The following PRKAG2 variants were observed in gnomAD, a reference collection of about 807,000 sequenced individuals.
PRKAG2 encodes 5'-AMP-activated protein kinase subunit gamma-2.
PRKAG2 carries 26 observed loss-of-function variants against 69.6 expected under a neutral mutation model. That is an observed-to-expected ratio of 0.37 (90% CI 0.27 to 0.52). PRKAG2 has a LOEUF of 0.52. PRKAG2 is among the 20% of genes least tolerant of loss of function. The pLI, the probability that PRKAG2 is intolerant of heterozygous loss-of-function variation, is 0.90. For missense variants in PRKAG2, 557 were observed against 740.0 expected, an observed-to-expected ratio of 0.75 and a Z score of 2.87; for synonymous variants, 293 against 285.0, an observed-to-expected ratio of 1.03 and a Z score of -0.28.
chr7:151,617,530 C>T (rs910743927), intron 5 of PRKAG2, among the ~76,000 whole-genome samples: 2 of 151,998 alleles, frequency 1.3e-5, no homozygotes, highest in African/African-American at 4.8e-5. Context: ...AATTTTGAAA[C>T]AAAAAATATC....
chr7:151,624,821 A>G (rs143556518), intron 5 of PRKAG2, among the ~76,000 whole-genome samples: 2 of 152,314 alleles, frequency 1.3e-5, no homozygotes, highest in African/African-American at 4.8e-5. Context: ...TGATTAGCGC[A>G]CCATCAACAT....
chr7:151,699,629 G>C lies in PRKAG2; in HGVS notation c.467-23992C>G, dbSNP rs1837324600. ...GCACCGGCTGTACAGGGAAGAACTG[G>C]AAGTGGGATATGCAGTGCCTGGGCT... On this transcript the variant is annotated intron_variant, in intron 3 of 15. Coordinates refer to ENST00000287878, the MANE Select transcript of PRKAG2 (RefSeq NM_016203.4). This position sits in a 1 kb window ranked among gnomAD's most constrained non-coding sequence, Gnocchi z 4.5. 1.3e-5 allele frequency among the ~76,000 whole-genome samples: 2 copies of C among 152,202 alleles called. No homozygotes were observed. Among genetic ancestry groups the C allele is most frequent in the Admixed American group, 1.3e-4 (2 of 15,288 alleles).
chr7:151,826,055 A>G (rs867538747), intron 1 of PRKAG2, among the ~76,000 whole-genome samples: 1 of 152,082 alleles, frequency 6.6e-6, no homozygotes, highest in South Asian at 2.1e-4. Context: ...TGTCACCCTA[A>G]CAGGTAGAGT....
In PRKAG2 at chr7:151,690,368, G is replaced by T. The variant is rs141515716; in HGVS notation, c.467-14731C>A. Among the ~76,000 whole-genome samples the T allele has an allele frequency of 7.8e-4, 119 of 152,196 alleles. 1 individual carries two copies. The highest frequency in any genetic ancestry group is 2.8e-3 in the African/African-American group (116 of 41,532). On this transcript the variant is annotated intron_variant, in intron 3 of 15. Transcript: ENST00000287878. ...GATCTGAGGCTCTGGAAAGCCCCCT[G>T]CCCCCTTCCAGATACCTCATCTACT...
chr7:151,624,147 T>C (rs1404468490), intron 5 of PRKAG2, among the ~76,000 whole-genome samples: 1 of 147,630 alleles, frequency 6.8e-6, no homozygotes, highest in African/African-American at 2.5e-5. Context: ...CGTGTGTGTG[T>C]GTGTGTGTGT....
chr7:151,763,016 G>A (rs564070654), intron 3 of PRKAG2, among the ~76,000 whole-genome samples: 8 of 152,306 alleles, frequency 5.3e-5, no homozygotes, highest in South Asian at 4.2e-4. Flanking sequence ...CTCCCGAGTC[G>A]TGACAGCTCT....
chr7:151,729,619 C>T (rs532104047), intron 3 of PRKAG2, among the ~76,000 whole-genome samples: 5 of 152,278 alleles, frequency 3.3e-5, no homozygotes, highest in South Asian at 2.1e-4. Flanking sequence ...AGCCCTCCCA[C>T]GGTCCACAAG....
chr7:151,870,787 C>G (rs2080202971), intron 1 of PRKAG2, among the ~76,000 whole-genome samples: 1 of 152,254 alleles, frequency 6.6e-6, no homozygotes, highest in African/African-American at 2.4e-5. Context: ...CGCGGGGCTT[C>G]CCTTGAGGCC....
At chr7:151,790,058 C>T (rs1017366737) in intron 1 of PRKAG2, among the ~76,000 whole-genome samples, 1 of 152,128 alleles carries the variant, frequency 6.6e-6, no homozygotes, top group Non-Finnish European at 1.5e-5. Flanking sequence ...TCATGGCTAC[C>T]ATCCACCCCT....
intron 3 of PRKAG2, among the ~76,000 whole-genome samples, chr7:151,678,205 T>TTTG (rs1833260379): frequency 6.6e-6 from 1 of 152,186 alleles, no homozygotes; most frequent in East Asian, 1.9e-4. Flanking sequence ...AATGACAAAC[T>TTTG]GTTTAACGTT....
chr7:151,627,912 C>T (rs1823399302), intron 5 of PRKAG2, among the ~76,000 whole-genome samples: 4 of 152,284 alleles, frequency 2.6e-5, no homozygotes, highest in African/African-American at 9.6e-5. Context: ...AATCTTCCTG[C>T]CTCTGCCTCC....
intron 15 of PRKAG2, 188 bp downstream of exon 15, chr7:151,560,336 C>T: frequency 6.6e-7 from 1 of 1,509,518 alleles, no homozygotes; most frequent in South Asian, 1.2e-5. Context: ...GTTCTATACA[C>T]TTTCCTCACT....
At chr7:151,620,572 G>A (rs560829338) in intron 5 of PRKAG2, among the ~76,000 whole-genome samples, 2 of 152,118 alleles carry the variant, frequency 1.3e-5, no homozygotes, top group South Asian at 4.1e-4. Context: ...CAAATGGCCA[G>A]GCTCAAGCAA....
rs750594581 is a variant in PRKAG2 at position 151,807,564 on chromosome 7, C to G, written c.115-21023G>C. 2.2e-6 allele frequency: 1 copy of G among 457,842 alleles called. No individual in the cohort carries two copies. 28.4% of individuals were successfully genotyped at this position (457,842 alleles called of 1,614,324 possible). On this transcript the variant is annotated intron_variant, in intron 1 of 15. Transcript: ENST00000287878. The surrounding 1 kb of genome is among the most constrained non-coding windows in gnomAD (Gnocchi z 4.4). ...CAGCACTGCGCCTTCCAGAACCCAG[C>G]GTAGATGCACAGCTGCCACGGAGGT...
At chr7:151,844,086 A>G (rs535245483) in intron 1 of PRKAG2, among the ~76,000 whole-genome samples, 2 of 152,358 alleles carry the variant, frequency 1.3e-5, no homozygotes, top group Admixed American at 6.5e-5. Flanking sequence ...GGCATGAGTC[A>G]GTTTCCTCCC....
intron 1 of PRKAG2, among the ~76,000 whole-genome samples, chr7:151,844,409 C>T (rs1350229014): frequency 6.6e-6 from 1 of 152,142 alleles, no homozygotes; most frequent in African/African-American, 2.4e-5. Context: ...GGACCCATCA[C>T]ATGAAGGGGC....
chr7:151,821,053 G>GTAGAAGAGAGAGCCTCCAACCCCACAGA (rs1216334379), intron 1 of PRKAG2, among the ~76,000 whole-genome samples: 8 of 151,924 alleles, frequency 5.3e-5, no homozygotes, highest in Non-Finnish European at 7.4e-5. Context: ...CAGAAGGAAA[G>GTAGAAGAGAGAGCCTCCAACCCCACAGA]CTGTGGAGAC....
Position 151,595,374 on chromosome 7 carries a change from T to C in PRKAG2, c.835A>G (p.Lys279Glu). ...AATGTAGTATCAAAGACAACAAGCT[T>C]TGAACTGGTTGGAACGATGTCATAA... is the stretch of plus-strand genomic sequence containing the variant. ...KCYDIVPTSS[K>E]LVVFDTTLQV... The change falls in exon 6 of 16, where the codon AAG becomes GAG. Residue 279 changes from lysine (K) to glutamate (E), a missense_variant. Coordinates refer to ENST00000287878, the MANE Select transcript of PRKAG2 (RefSeq NM_016203.4). 1 of 1,613,770 alleles carries C rather than the reference T, an allele frequency of 6.2e-7. No homozygotes were observed. The highest frequency in any genetic ancestry group is 8.5e-7 in the Non-Finnish European group (1 of 1,179,752).
chr7:151,852,564 A>G (rs780746929), intron 1 of PRKAG2, among the ~76,000 whole-genome samples: 7 of 152,004 alleles, frequency 4.6e-5, no homozygotes, highest in Non-Finnish European at 7.4e-5. Flanking sequence ...CTCAGTGTAG[A>G]CCACAGACCT....
Sources: gnomAD v4.1 joint callset for allele counts (sites outside exome capture counted in the v4.1 genomes callset) on GRCh38, gnomAD v4.1.1 for gene constraint, Gnocchi (gnomAD v3.1) non-coding constraint, MANE v1.5 for transcripts, NCBI Gene and HGNC (gene_info 2026-07-23, HGNC 2026-07-21) for gene names.